AR: variants seen among roughly 807,000 people sequenced by gnomAD.
The protein encoded by AR is androgen receptor.
AR carries 8 observed loss-of-function variants against 53.9 expected under a neutral mutation model. The observed-to-expected ratio is 0.15, with a 90% confidence interval of 0.09 to 0.27. The LOEUF (loss-of-function observed/expected upper bound fraction) is 0.27. Among genes scored for constraint, AR ranks in the 10% least tolerant of loss-of-function variants. AR has a pLI of 1.00. For synonymous variants in AR, 359 were observed against 316.4 expected (o/e 1.13, Z -1.43); for missense variants, 639 against 742.5 (o/e 0.86, Z 1.62).
chrX:67,723,740 G>A lies in AR; in HGVS notation c.2662G>A (p.Val888Met). 1 of 1,210,709 alleles carries A rather than the reference G, an allele frequency of 8.3e-7. No homozygotes were observed. The highest frequency in any genetic ancestry group is 1.1e-6 in the Non-Finnish European group (1 of 895,026). Residue 888 changes from valine (V) to methionine (M), a missense_variant, in exon 8 of 8, where the codon GTG becomes ATG. Physicochemically the swap from Val to Met is conservative, Grantham distance 21 (BLOSUM62 1). Around this residue, in one of 5 missense-constraint regions of AR, gnomAD observed 95 missense variants for 196.4 expected, o/e 0.48. Coordinates refer to ENST00000374690, the MANE Select transcript of AR (RefSeq NM_000044.6). ...TFDLLIKSHM[V>M]SVDFPEMMAE... ...TGACCTGCTAATCAAGTCACACATG[G>A]TGAGCGTGGACTTTCCGGAAATGAT...
At chrX:67,552,841 T>C (rs181285073) in intron 1 of AR, among the ~76,000 whole-genome samples, 4 of 112,345 alleles carry the variant, frequency 3.6e-5, no homozygotes, top group Non-Finnish European at 7.5e-5. Flanking sequence ...ATCTTCTTTT[T>C]TGAGAAATAT....
At chrX:67,623,645 G>A (rs1444714596) in intron 1 of AR, among the ~76,000 whole-genome samples, 3 of 109,080 alleles carry the variant, frequency 2.8e-5, no homozygotes, top group Non-Finnish European at 5.7e-5. Context: ...AGACTAAAAG[G>A]GAAATAAATG....
At chrX:67,569,614 A>C (rs1394824845) in intron 1 of AR, among the ~76,000 whole-genome samples, 1 of 110,753 alleles carries the variant, frequency 9.0e-6, no homozygotes, top group Non-Finnish European at 1.9e-5. Flanking sequence ...TCTTTTTACC[A>C]GTTCTGTCTT....
intron 2 of AR, among the ~76,000 whole-genome samples, chrX:67,659,548 C>G (rs1314342847): frequency 3.6e-5 from 4 of 111,333 alleles, no homozygotes; most frequent in African/African-American, 6.6e-5. Context: ...GACATGAACT[C>G]TTCATTTTTT....
chrX:67,649,287 C>T (rs190380520), intron 2 of AR, among the ~76,000 whole-genome samples: 153 of 112,052 alleles, frequency 1.4e-3, no homozygotes, highest in African/African-American at 4.7e-3. Context: ...ATGGGCATTT[C>T]GGTTGGTTCC....
At chrX:67,688,036 A>G (rs148061343) in intron 3 of AR, among the ~76,000 whole-genome samples, 1 of 112,060 alleles carries the variant, frequency 8.9e-6, no homozygotes, top group East Asian at 2.8e-4. Flanking sequence ...GTTTCAGTAC[A>G]TTTTCAAATT....
chrX:67,590,908 T>G lies in AR; in HGVS notation c.1616+44146T>G, dbSNP rs775177799. Among the ~76,000 whole-genome samples the G allele has an allele frequency of 4.0e-4, 45 of 112,181 alleles. 1 individual carries two copies. The highest frequency in any genetic ancestry group is 1.4e-3 in the African/African-American group (44 of 30,860). ...GAGTAAAATGCAAATGACAGGAAAT[T>G]GGCTGCGTTCTGAATCCTATTTTTA... On this transcript the variant is annotated intron_variant, in intron 1 of 7. Coordinates refer to ENST00000374690, the MANE Select transcript of AR (RefSeq NM_000044.6).
chrX:67,700,256 C>G (rs1216888838), intron 3 of AR, among the ~76,000 whole-genome samples: 1 of 111,838 alleles, frequency 8.9e-6, no homozygotes, highest in African/African-American at 3.3e-5. Context: ...TTTAAGTAAA[C>G]CAATGAGTCT....
chrX:67,616,479 G>A (rs1250905321), intron 1 of AR, among the ~76,000 whole-genome samples: 1 of 110,689 alleles, frequency 9.0e-6, no homozygotes, highest in African/African-American at 3.3e-5. Flanking sequence ...TTAGTTTGCT[G>A]AGAATGATGG....
In AR at chrX:67,627,555, C is replaced by T. The variant is rs944833709; in HGVS notation, c.1617-15701C>T. On this transcript the variant is annotated intron_variant, in intron 1 of 7. Transcript: ENST00000374690. ...AGCCCTTTGTCAGATGAGTACGTTG[C>T]GAAAATTTTCTCTCATTTTGTAGGT... Among the ~76,000 whole-genome samples the T allele has an allele frequency of 1.8e-4, 20 of 110,920 alleles. 1 individual carries two copies. Among genetic ancestry groups the T allele is most frequent in the African/African-American group, 5.2e-4 (16 of 30,544 alleles).
At chrX:67,623,533 T>C (rs925348908) in intron 1 of AR, among the ~76,000 whole-genome samples, 5 of 111,655 alleles carry the variant, frequency 4.5e-5, no homozygotes, top group Non-Finnish European at 7.5e-5. Context: ...CGAAGGCCTA[T>C]ATCAACAAAG....
intron 3 of AR, among the ~76,000 whole-genome samples, chrX:67,709,777 A>G (rs1371383000): frequency 8.9e-6 from 1 of 112,120 alleles, no homozygotes; most frequent in African/African-American, 3.2e-5. Flanking sequence ...CGGCCATCTT[A>G]TGAATCATGC....
chrX:67,656,653 G>A (rs762352465), intron 2 of AR, among the ~76,000 whole-genome samples: 41 of 111,665 alleles, frequency 3.7e-4, no homozygotes, highest in South Asian at 1.5e-3. Flanking sequence ...TACAAATGTG[G>A]AAACTGAGGC....
intron 1 of AR, among the ~76,000 whole-genome samples, chrX:67,615,185 C>A (rs968802583): frequency 9.0e-6 from 1 of 110,825 alleles, no homozygotes; most frequent in Non-Finnish European, 1.9e-5. Flanking sequence ...TGGATAAAAT[C>A]TTCCAAAATT....
At chrX:67,577,948 CTT>C (rs1247235878) in intron 1 of AR, among the ~76,000 whole-genome samples, 1 of 111,544 alleles carries the variant, frequency 9.0e-6, no homozygotes, top group Non-Finnish European at 1.9e-5. Flanking sequence ...TGTTACATAT[CTT>C]AGCTGCATTA....
chrX:67,668,783 T>C (rs1927390193), intron 2 of AR, among the ~76,000 whole-genome samples: 1 of 111,291 alleles, frequency 9.0e-6, no homozygotes, highest in African/African-American at 3.3e-5. Context: ...GAATCAATCT[T>C]CACAAGTTGT....
At chrX:67,606,149 A>G (rs1015602662) in intron 1 of AR, among the ~76,000 whole-genome samples, 3 of 110,953 alleles carry the variant, frequency 2.7e-5, no homozygotes, top group African/African-American at 9.8e-5. Flanking sequence ...TCTCAGAGAA[A>G]GTCAAGCTGA....
chrX:67,650,799 C>T (rs1305330212), intron 2 of AR, among the ~76,000 whole-genome samples: 1 of 111,564 alleles, frequency 9.0e-6, no homozygotes, highest in East Asian at 2.8e-4. Context: ...AATTCTCAGT[C>T]CCTTTGCTCC....
At chrX:67,606,686 ATTAGT>A (rs748540012) in intron 1 of AR, among the ~76,000 whole-genome samples, 1 of 112,673 alleles carries the variant, frequency 8.9e-6, no homozygotes, top group East Asian at 2.8e-4. Context: ...TTTTTCTAAT[ATTAGT>A]TTTCTTGATT....
Sources: gnomAD v4.1 joint callset for allele counts (sites outside exome capture counted in the v4.1 genomes callset) on GRCh38, gnomAD v4.1.1 for gene constraint, gnomAD v4.1.1 regional missense constraint, MANE v1.5 for transcripts, NCBI Gene and HGNC (gene_info 2026-07-23, HGNC 2026-07-21) for gene names.